Variants in CD1B observed in about 807,000 individuals in gnomAD.
CD1B encodes CD1b molecule.
In CD1B, 43 loss-of-function variants were observed where a neutral mutation model predicts 39.8. The observed-to-expected ratio is 1.08, with a 90% CI of 0.85 to 1.39. The LOEUF (loss-of-function observed/expected upper bound fraction) is 1.39. CD1B is among the 40% of genes most tolerant of loss of function. The probability of loss-of-function intolerance (pLI) is 0.00; values close to 1 mark genes in which losing one functional copy is unlikely to be tolerated. For missense variants in CD1B, 495 were observed against 403.8 expected (o/e 1.23, Z -1.94); for synonymous variants, 192 against 152.5 (o/e 1.26, Z -1.91).
At position 158,330,113 on chromosome 1, in the gene CD1B, C is replaced by G; in HGVS notation, c.346G>C (p.Gly116Arg). The G allele has an allele frequency of 1.2e-6, 2 of 1,613,164 alleles. No individual in the cohort carries two copies. Among genetic ancestry groups the G allele is most frequent in the South Asian group, 1.1e-5 (1 of 90,970 alleles). Residue 116 changes from glycine (G) to arginine (R), a missense_variant, in exon 3 of 6, where the codon GGC becomes CGC. By Grantham distance (125) the Gly-to-Arg change is moderately radical. Coordinates refer to ENST00000368168, the MANE Select transcript of CD1B (RefSeq NM_001764.3). ...FQMKYPFEIQ[G>R]IAGCELHSGG... The stretch of plus-strand genomic sequence containing the variant: ...GAATGTAGCTCACAGCCTGCTATGC[C>G]CTGGATCTCAAAGGGGTCTATGTAG...
chr1:158,320,327 C>A, the CD1B span, among the ~76,000 whole-genome samples: 1 of 152,316 alleles, frequency 6.6e-6, no homozygotes, highest in South Asian at 2.1e-4. Flanking sequence ...GGGCGTAGGA[C>A]CCTCCGAAGC....
chr1:158,293,427 G>C, the CD1B span: 1 of 1,612,692 alleles, frequency 6.2e-7, no homozygotes, highest in African/African-American at 1.3e-5. Flanking sequence ...ACTTATTCAG[G>C]GTTTCTCCCA....
downstream of CD1B, among the ~76,000 whole-genome samples, chr1:158,323,550 G>A (rs1557818058): frequency 6.6e-6 from 1 of 152,126 alleles, no homozygotes; most frequent in Non-Finnish European, 1.5e-5. Flanking sequence ...TGATGCTTGT[G>A]TATGTACATT....
At chr1:158,293,555 G>A in the CD1B span, 1,325 of 1,613,602 alleles carry the variant, frequency 8.2e-4, 3 homozygotes, top group Non-Finnish European at 1.1e-3. Context: ...ATGCCATCCC[G>A]TCGACTCTCC....
chr1:158,295,401 C>T, the CD1B span, among the ~76,000 whole-genome samples: 1 of 152,110 alleles, frequency 6.6e-6, no homozygotes, highest in Non-Finnish European at 1.5e-5. Context: ...CCACTCTATC[C>T]ATGAACCTCT....
the CD1B span, among the ~76,000 whole-genome samples, chr1:158,297,211 AG>A: frequency 6.6e-6 from 1 of 152,210 alleles, no homozygotes; most frequent in Non-Finnish European, 1.5e-5. Flanking sequence ...GAGGAGGAGC[AG>A]GTCACCTACA....
the CD1B span, among the ~76,000 whole-genome samples, chr1:158,319,962 G>T: frequency 2.0e-5 from 3 of 152,202 alleles, no homozygotes; most frequent in African/African-American, 7.2e-5. Context: ...GTGCCTCCCA[G>T]TTAGGCTGCT....
chr1:158,329,717 C>G (rs995237231), intron 3 of CD1B, 69 bp from the exon 4 acceptor site: 3 of 1,580,634 alleles, frequency 1.9e-6, no homozygotes, highest in East Asian at 4.5e-5. Context: ...ACTCAGAAAC[C>G]TACAAGCTTG....
the CD1B span, among the ~76,000 whole-genome samples, chr1:158,310,995 C>T: frequency 6.6e-6 from 1 of 152,092 alleles, no homozygotes. Flanking sequence ...GTACACCAAG[C>T]CCCCACAACA....
chr1:158,316,351 T>G, the CD1B span, among the ~76,000 whole-genome samples: 30 of 151,854 alleles, frequency 2.0e-4, no homozygotes, highest in Non-Finnish European at 4.1e-4. Flanking sequence ...GGTTTGTAGT[T>G]CTCCTTGAAG....
chr1:158,331,310 T>G, intron 1 of CD1B, 53 bp downstream of exon 1: 10 of 1,548,886 alleles, frequency 6.5e-6, no homozygotes, highest in Non-Finnish European at 8.9e-6. Flanking sequence ...CTGCTTGCTT[T>G]TTAAAATCCA....
chr1:158,315,719 T>A, the CD1B span, among the ~76,000 whole-genome samples: 5 of 152,190 alleles, frequency 3.3e-5, no homozygotes, highest in East Asian at 9.6e-4. Context: ...GTTTTAGACA[T>A]GAAGTCCTTG....
Position 158,330,825 on chromosome 1 carries a change from T to C in CD1B, c.299A>G (p.Gln100Arg). The change falls in exon 2 of 6, where the codon CAA (glutamine) becomes CGA (arginine). Residue 100 changes from glutamine (Q) to arginine (R), a missense_variant. Coordinates refer to ENST00000368168, the MANE Select transcript of CD1B (RefSeq NM_001764.3). ...VYIFGFAREVQDFAGDFQMKY... is the reference protein window; with the variant it reads ...VYIFGFAREVRDFAGDFQMKY... ...CATCTGGAAATCACCGGCAAAGTCT[T>C]GTACTTCTCGAGCGAATCCAAAGAT... 6.2e-7 allele frequency: 1 copy of C among 1,614,182 alleles called. No individual in the cohort carries two copies. Among genetic ancestry groups the C allele is most frequent in the Non-Finnish European group, 8.5e-7 (1 of 1,180,026 alleles).
chr1:158,299,042 C>A, the CD1B span, among the ~76,000 whole-genome samples: 1 of 152,140 alleles, frequency 6.6e-6, no homozygotes, highest in South Asian at 2.1e-4. Flanking sequence ...GCCAGACTTC[C>A]AATACTATGT....
the CD1B span, among the ~76,000 whole-genome samples, chr1:158,319,985 G>A: frequency 7.9e-5 from 12 of 152,306 alleles, no homozygotes; most frequent in South Asian, 2.5e-3. Context: ...GGAGTCAGGG[G>A]TCAGGGACCC....
chr1:158,299,633 G>T, the CD1B span, among the ~76,000 whole-genome samples: 1 of 152,068 alleles, frequency 6.6e-6, no homozygotes, highest in South Asian at 2.1e-4. Flanking sequence ...TTTTTGGTTG[G>T]CAGGCTATTA....
the CD1B span, among the ~76,000 whole-genome samples, chr1:158,305,366 T>A: frequency 6.7e-6 from 1 of 150,308 alleles, no homozygotes; most frequent in African/African-American, 2.4e-5. Flanking sequence ...TGAAACGAAG[T>A]GAGAAGTTTA....
the CD1B span, among the ~76,000 whole-genome samples, chr1:158,299,595 GT>G: frequency 2.6e-5 from 4 of 152,182 alleles, no homozygotes; most frequent in Non-Finnish European, 5.9e-5. Context: ...AGTAGAATTT[GT>G]CTGTGAATCC....
At chr1:158,306,921 A>G in the CD1B span, among the ~76,000 whole-genome samples, 6 of 152,200 alleles carry the variant, frequency 3.9e-5, no homozygotes, top group Non-Finnish European at 7.3e-5. Flanking sequence ...TCTGGGACAC[A>G]TTCAAGGCAG....
Sources: gnomAD v4.1 joint callset for allele counts (sites outside exome capture counted in the v4.1 genomes callset) on GRCh38, gnomAD v4.1.1 for gene constraint, MANE v1.5 for transcripts, NCBI Gene and HGNC (gene_info 2026-07-23, HGNC 2026-07-21) for gene names.